SNRPN: variants seen among roughly 807,000 people sequenced by gnomAD.
SNRPN encodes the protein small nuclear ribonucleoprotein-associated protein N.
A neutral mutation model predicts 25.2 loss-of-function variants in SNRPN; 7 were observed. The observed-to-expected ratio is 0.28, with a 90% CI of 0.16 to 0.52. The LOEUF (loss-of-function observed/expected upper bound fraction) is 0.52, where lower values mean the gene tolerates loss of function less well. Ranked by LOEUF, SNRPN falls within the 20% of genes least tolerant of loss-of-function variation. SNRPN has a pLI of 0.96. For missense variants in SNRPN, 196 were observed against 322.5 expected, an observed-to-expected ratio of 0.61 and a Z score of 3.00; for synonymous variants, 124 against 110.6, an observed-to-expected ratio of 1.12 and a Z score of -0.76.
At chr15:24,925,611 T>C (rs1276199099) in intron 3 of SNRPN, among the ~76,000 whole-genome samples, 1 of 152,162 alleles carries the variant, frequency 6.6e-6, no homozygotes, top group Non-Finnish European at 1.5e-5. Context: ...ATTATTGTTG[T>C]TGTTTAATTA....
At chr15:24,889,452 G>A (rs983655041) in intron 2 of SNRPN, among the ~76,000 whole-genome samples, 2 of 151,710 alleles carry the variant, frequency 1.3e-5, no homozygotes, top group Non-Finnish European at 2.9e-5. Context: ...ACAGGCGCCT[G>A]CCACCACGCC....
intron 2 of SNRPN, chr15:24,849,236 T>TA (rs1192369114): frequency 6.6e-6 from 1 of 152,334 alleles, no homozygotes; most frequent in African/African-American, 2.4e-5. Context: ...CGGCCTCTAC[T>TA]ATGTTTTAAA....
intron 3 of SNRPN, among the ~76,000 whole-genome samples, chr15:24,925,018 C>A (rs1410375064): frequency 6.6e-6 from 1 of 152,064 alleles, no homozygotes; most frequent in African/African-American, 2.4e-5. Context: ...ACTCCAAATT[C>A]TATTAGCTAG....
chr15:24,966,334 G>T (rs2075631774), intron 2 of SNRPN, among the ~76,000 whole-genome samples: 1 of 152,090 alleles, frequency 6.6e-6, no homozygotes, highest in South Asian at 2.1e-4. Context: ...CAAAATCTGG[G>T]CAGGTCCCAC....
chr15:24,895,919 G>A (rs185775426), intron 2 of SNRPN, among the ~76,000 whole-genome samples: 1 of 152,214 alleles, frequency 6.6e-6, no homozygotes, highest in African/African-American at 2.4e-5. Context: ...TGAGAACAAG[G>A]TCTTTCAATC....
At chr15:24,899,072 T>G (rs1322623897) in intron 2 of SNRPN, among the ~76,000 whole-genome samples, 1 of 152,148 alleles carries the variant, frequency 6.6e-6, no homozygotes, top group African/African-American at 2.4e-5. Context: ...CTAGACACAT[T>G]CCAAAGGCCA....
At chr15:24,971,297 T>C (rs565648821) in intron 3 of SNRPN, among the ~76,000 whole-genome samples, 1 of 152,294 alleles carries the variant, frequency 6.6e-6, no homozygotes, top group African/African-American at 2.4e-5. Context: ...TCGTCGCCTT[T>C]CTCATGAAGT....
chr15:24,953,134 T>G (rs1029529583), upstream of SNRPN, among the ~76,000 whole-genome samples: 3 of 152,180 alleles, frequency 2.0e-5, no homozygotes, highest in African/African-American at 7.2e-5. Flanking sequence ...TCCCTTCTTT[T>G]GTTACAGATT....
chr15:24,912,216 C>G (rs186743367), intron 2 of SNRPN: 1 of 152,220 alleles, frequency 6.6e-6, no homozygotes, highest in East Asian at 1.9e-4. Context: ...TTCCTGGGCT[C>G]AAGAGATCCT....
chr15:24,950,901 G>A (rs958199807), upstream of SNRPN, among the ~76,000 whole-genome samples: 2 of 146,340 alleles, frequency 1.4e-5, no homozygotes, highest in African/African-American at 5.1e-5. Context: ...CTGCTCTGTC[G>A]CCCAGGCTGG....
chr15:24,849,277 C>T (rs1283270221), intron 2 of SNRPN: 1 of 152,248 alleles, frequency 6.6e-6, no homozygotes, highest in Non-Finnish European at 1.5e-5. Context: ...TTCTGTGTAT[C>T]CTTACTTCCC....
intron 3 of SNRPN, among the ~76,000 whole-genome samples, chr15:24,940,966 T>A (rs1157406151): frequency 6.6e-6 from 1 of 152,124 alleles, no homozygotes; most frequent in Non-Finnish European, 1.5e-5. Flanking sequence ...TCAAGAGATC[T>A]TAATCTGTTT....
chr15:24,935,319 A>G (rs935086494), intron 3 of SNRPN, among the ~76,000 whole-genome samples: 20 of 152,172 alleles, frequency 1.3e-4, no homozygotes, highest in African/African-American at 4.8e-4. Context: ...GATCATATGA[A>G]ACATAAATAT....
chr15:24,906,369 C>A (rs1324855786), intron 2 of SNRPN, among the ~76,000 whole-genome samples: 2 of 152,110 alleles, frequency 1.3e-5, no homozygotes, highest in African/African-American at 2.4e-5. Context: ...CCAAGCTCAA[C>A]TGATTCACCC....
chr15:24,895,650 T>G (rs2058041871), intron 2 of SNRPN, among the ~76,000 whole-genome samples: 1 of 152,148 alleles, frequency 6.6e-6, no homozygotes, highest in East Asian at 1.9e-4. Flanking sequence ...TGCTAAACAG[T>G]ATAAACAAGA....
intron 3 of SNRPN, among the ~76,000 whole-genome samples, chr15:24,923,695 A>G (rs1295187506): frequency 9.9e-5 from 15 of 152,126 alleles, no homozygotes; most frequent in Non-Finnish European, 1.6e-4. Flanking sequence ...GTTGAGCAAA[A>G]TAATCTAGGC....
chr15:24,906,807 G>A (rs1239661863), intron 2 of SNRPN, among the ~76,000 whole-genome samples: 1 of 152,154 alleles, frequency 6.6e-6, no homozygotes, highest in Non-Finnish European at 1.5e-5. Flanking sequence ...TGGCTGAGCA[G>A]ACATCTAGAA....
At chr15:24,837,577 G>C (rs979171083) in intron 2 of SNRPN, among the ~76,000 whole-genome samples, 4 of 151,742 alleles carry the variant, frequency 2.6e-5, no homozygotes, top group Non-Finnish European at 5.9e-5. Context: ...CACCGTGTTA[G>C]CTAGGATGGT....
rs2077081577 is a variant in SNRPN, at chr15:24,976,549, C to G, written c.267+133C>G. The stretch of plus-strand genomic sequence containing the variant: ...ATAAAATGTGCCAGGCACTTAATAT[C>G]AATTGTTGGTTGCCTATGCTATTCG... On this transcript the variant is annotated intron_variant, in intron 6 of 9. Transcript: ENST00000390687. 4.2e-6 allele frequency: 3 copies of G among 718,312 alleles called. No individual in the cohort carries two copies. In the East Asian group the frequency reaches 8.1e-5, roughly 19 times the overall value. 44.5% of individuals were successfully genotyped at this position (718,312 alleles called of 1,614,324 possible). A position where few individuals can be genotyped will look rare whatever the true frequency, so the allele number is the denominator to read the frequency against.
Sources: allele counts gnomAD v4.1 joint callset (sites outside exome capture counted in the v4.1 genomes callset), GRCh38; gene constraint gnomAD v4.1.1; transcripts MANE v1.5; gene names NCBI Gene and HGNC (gene_info 2026-07-23, HGNC 2026-07-21).